Variants in CADPS observed in about 807,000 individuals in gnomAD.
CADPS encodes the protein calcium-dependent secretion activator 1.
Under a neutral mutation model 167.3 loss-of-function variants are expected in CADPS, and 57 were observed. That is an observed-to-expected ratio of 0.34 (90% CI 0.28 to 0.42). The LOEUF (loss-of-function observed/expected upper bound fraction) is 0.42, where lower values mean the gene tolerates loss of function less well. Ranked by LOEUF, CADPS falls within the 20% of genes least tolerant of loss-of-function variation. CADPS has a pLI of 1.00. For missense variants in CADPS, 1,414 were observed against 1,738.1 expected (o/e 0.81, Z 3.32); for synonymous variants, 676 against 635.3 (o/e 1.06, Z -0.96).
At chr3:62,476,450 G>A (rs1031874484) in intron 23 of CADPS, among the ~76,000 whole-genome samples, 3 of 152,196 alleles carry the variant, frequency 2.0e-5, no homozygotes, top group Non-Finnish European at 4.4e-5. Flanking sequence ...GTCCAGGCCA[G>A]CCATACATGT....
In CADPS at chr3:62,662,357, C is replaced by A; in HGVS notation, c.926G>T (p.Arg309Leu). The A allele has an allele frequency of 6.2e-7, 1 of 1,614,006 alleles. No individual in the cohort carries two copies. Among genetic ancestry groups the A allele is most frequent in the Non-Finnish European group, 8.5e-7 (1 of 1,179,914 alleles). ...NPDEQAAQIR[R>L]ELDGRLQMAD... ...CATTTGTAGACGTCCATCCAGCTCT[C>A]GTCTGATCTGGGCTGCTTGCTCATC... The change falls in exon 4 of 30, where the codon CGA becomes CTA. Residue 309 changes from arginine (R) to leucine (L), a missense_variant. Arg to Leu is a moderately radical substitution (Grantham distance 102, BLOSUM62 -2). Coordinates refer to ENST00000383710, the MANE Select transcript of CADPS (RefSeq NM_003716.4).
At chr3:62,653,271 TG>T (rs2070697187) in intron 4 of CADPS, among the ~76,000 whole-genome samples, 1 of 152,124 alleles carries the variant, frequency 6.6e-6, no homozygotes. Context: ...GCCCTCATGA[TG>T]GAACTAGTGC....
At chr3:62,463,733 G>A (rs2059637560) in intron 26 of CADPS, among the ~76,000 whole-genome samples, 1 of 152,138 alleles carries the variant, frequency 6.6e-6, no homozygotes, top group African/African-American at 2.4e-5. Context: ...GGTTGGATAG[G>A]TTTCCTTTCA....
At chr3:62,537,282 CT>C (rs2074877119) in intron 11 of CADPS, among the ~76,000 whole-genome samples, 1 of 152,224 alleles carries the variant, frequency 6.6e-6, no homozygotes, top group African/African-American at 2.4e-5. Context: ...GGGCTATGAT[CT>C]GCCATTTATT....
At chr3:62,414,749 A>G (rs891894976) in intron 28 of CADPS, among the ~76,000 whole-genome samples, 2 of 152,100 alleles carry the variant, frequency 1.3e-5, no homozygotes, top group Non-Finnish European at 2.9e-5. Context: ...AAGGGCTGGG[A>G]GCCCCCCACT....
chr3:62,557,118 A>G (rs1377645657), intron 10 of CADPS, among the ~76,000 whole-genome samples: 1 of 151,782 alleles, frequency 6.6e-6, no homozygotes, highest in Non-Finnish European at 1.5e-5. Context: ...GGTGGAGTCC[A>G]TATTTGATGT....
chr3:62,597,724 C>T (rs2059130531), intron 6 of CADPS, among the ~76,000 whole-genome samples: 1 of 152,174 alleles, frequency 6.6e-6, no homozygotes, highest in Non-Finnish European at 1.5e-5. Flanking sequence ...CCCTGACAAC[C>T]CCCATCCTAT....
chr3:62,587,646 G>A (rs1578288286), intron 7 of CADPS, among the ~76,000 whole-genome samples: 2 of 152,208 alleles, frequency 1.3e-5, no homozygotes, highest in East Asian at 1.9e-4. Flanking sequence ...CTGGGCACCC[G>A]CAGCTCATTA....
rs116903147 is a variant in CADPS, at chr3:62,741,027, C to T, written c.888+12414G>A. ...GGCACTTCTTCAGATTGTTCCCTGG[C>T]ACAATTTGATGAATTGTTGCAATAA... On this transcript the variant is annotated intron_variant, in intron 3 of 29. Transcript: ENST00000383710. Among the ~76,000 whole-genome samples the T allele has an allele frequency of 2.5e-3, 379 of 152,280 alleles. 5 individuals carry two copies. In the East Asian group the frequency reaches 0.032, roughly 13 times the overall value.
At chr3:62,743,795 G>C (rs555874985) in intron 3 of CADPS, among the ~76,000 whole-genome samples, 2 of 152,252 alleles carry the variant, frequency 1.3e-5, no homozygotes, top group African/African-American at 4.8e-5. Flanking sequence ...ATAATTCTTA[G>C]CCAATATACA....
chr3:62,633,681 T>C (rs1485368598), intron 6 of CADPS, among the ~76,000 whole-genome samples: 1 of 152,056 alleles, frequency 6.6e-6, no homozygotes, highest in Non-Finnish European at 1.5e-5. Context: ...TAAAACAGCT[T>C]CTCCCCAACT....
intron 6 of CADPS, among the ~76,000 whole-genome samples, chr3:62,637,804 C>A (rs1469322953): frequency 6.6e-6 from 1 of 152,124 alleles, no homozygotes; most frequent in East Asian, 1.9e-4. Context: ...AATAACTTCA[C>A]CTCTCTGGAT....
At chr3:62,669,275 C>T (rs1248598450) in intron 3 of CADPS, among the ~76,000 whole-genome samples, 2 of 152,178 alleles carry the variant, frequency 1.3e-5, no homozygotes, top group Non-Finnish European at 2.9e-5. Flanking sequence ...TAAAGCACTC[C>T]CATCAGCTGG....
intron 28 of CADPS, among the ~76,000 whole-genome samples, chr3:62,419,746 G>A (rs528700209): frequency 1.3e-5 from 2 of 152,102 alleles, no homozygotes; most frequent in Middle Eastern, 3.4e-3. Context: ...GCAGATTGAC[G>A]TAAGCAACTG....
In CADPS at chr3:62,770,642, T is replaced by C. The variant is rs56390705; in HGVS notation, c.442-4658A>G. Among the ~76,000 whole-genome samples, 981 of 152,296 alleles carry C rather than the reference T, an allele frequency of 6.4e-3. 10 individuals are homozygous for C. The highest frequency in any genetic ancestry group is 0.023 in the African/African-American group (951 of 41,566). On this transcript the variant is annotated intron_variant, in intron 1 of 29. Coordinates refer to ENST00000383710, the MANE Select transcript of CADPS (RefSeq NM_003716.4). ...GGTTTTGCCATGTTGATCAGGCTGG[T>C]CTTGAACTCCTGGCCTCAAGTGATC... is the stretch of plus-strand genomic sequence containing the variant.
intron 6 of CADPS, among the ~76,000 whole-genome samples, chr3:62,623,264 G>C (rs554083616): frequency 3.0e-4 from 45 of 152,264 alleles, no homozygotes; most frequent in Non-Finnish European, 5.7e-4. Context: ...ACCAAGAAGA[G>C]AGAGAGACAC....
chr3:62,852,661 T>C lies in CADPS; in HGVS notation c.441+21928A>G, dbSNP rs1317915949. ...AGTTTACTCTGAATTTCCTGACACC[T>C]GTCTCTACCTTCATGACTTTGTTGA... On this transcript the variant is annotated intron_variant, in intron 1 of 29. Coordinates refer to ENST00000383710, the MANE Select transcript of CADPS (RefSeq NM_003716.4). 2.6e-5 allele frequency among the ~76,000 whole-genome samples: 4 copies of C among 151,996 alleles called. 1 individual carries two copies. The South Asian group carries it at 6.2e-4, about 24-fold the overall frequency.
intron 1 of CADPS, among the ~76,000 whole-genome samples, chr3:62,800,699 T>TATAC (rs2093707295): frequency 6.6e-6 from 1 of 152,164 alleles, no homozygotes; most frequent in Non-Finnish European, 1.5e-5. Context: ...CAATTTGGTA[T>TATAC]GTATATTGTA....
intron 6 of CADPS, among the ~76,000 whole-genome samples, chr3:62,628,667 A>G (rs59413372): frequency 0.011 from 1,583 of 147,338 alleles, 22 homozygotes; most frequent in African/African-American, 0.037. Flanking sequence ...TCGCTCTGTC[A>G]CCAGGCTGTA....
Sources: gnomAD v4.1 joint callset for allele counts (sites outside exome capture counted in the v4.1 genomes callset) on GRCh38, gnomAD v4.1.1 for gene constraint, MANE v1.5 for transcripts, NCBI Gene and HGNC (gene_info 2026-07-23, HGNC 2026-07-21) for gene names.